The following PDE1A variants were observed in gnomAD, a reference collection of about 807,000 sequenced individuals.
PDE1A encodes the protein dual specificity calcium/calmodulin-dependent 3',5'-cyclic nucleotide phosphodiesterase 1A.
A neutral mutation model predicts 61.7 loss-of-function variants in PDE1A; 35 were observed. The ratio of observed to expected loss-of-function variants is 0.57; its 90% CI spans 0.43 to 0.75. The LOEUF (loss-of-function observed/expected upper bound fraction) is 0.75, where lower values mean the gene tolerates loss of function less well. Among genes scored for constraint, PDE1A ranks in the 30% least tolerant of loss-of-function variants. PDE1A has a pLI of 0.00. For missense variants in PDE1A, 597 were observed against 630.6 expected (o/e 0.95, Z 0.57); for synonymous variants, 232 against 213.2 (o/e 1.09, Z -0.77).
At chr2:182,176,211 A>C (rs1252189730) in intron 13 of PDE1A, among the ~76,000 whole-genome samples, 14 of 148,104 alleles carry the variant, frequency 9.5e-5, no homozygotes, top group African/African-American at 3.4e-4. Context: ...GTTTTTTCCA[A>C]TTCTGTGAAG....
intron 2 of PDE1A, among the ~76,000 whole-genome samples, chr2:182,450,849 A>G (rs1393303098): frequency 1.3e-5 from 2 of 151,894 alleles, no homozygotes; most frequent in Admixed American, 1.3e-4. Context: ...GGAAAAAAGC[A>G]GCTATTTACG....
At chr2:182,201,658 A>AAAAAC (rs1559175895) in intron 9 of PDE1A, 30 bp downstream of exon 9, 2 of 1,552,158 alleles carry the variant, frequency 1.3e-6, no homozygotes, top group Admixed American at 2.1e-5. Flanking sequence ...GACAAAAAAA[A>AAAAAC]AAAAACAACA....
intron 2 of PDE1A, among the ~76,000 whole-genome samples, chr2:182,470,765 C>G (rs78597881): frequency 1.6e-4 from 24 of 151,818 alleles, no homozygotes; most frequent in Non-Finnish European, 2.9e-4. Context: ...GTACTATATA[C>G]GAACACAGTC....
chr2:182,407,046 G>A (rs967319295), intron 1 of PDE1A, among the ~76,000 whole-genome samples: 1 of 152,010 alleles, frequency 6.6e-6, no homozygotes, highest in Non-Finnish European at 1.5e-5. Flanking sequence ...ACTTCAAAGA[G>A]TTTGTTTTAA....
At chr2:182,168,756 T>C (rs958768568) in intron 13 of PDE1A, among the ~76,000 whole-genome samples, 2 of 152,078 alleles carry the variant, frequency 1.3e-5, no homozygotes, top group Non-Finnish European at 2.9e-5. Flanking sequence ...ATTTTCAAAA[T>C]AAAAAAGAAT....
At chr2:182,336,410 C>T (rs1190429491) in intron 1 of PDE1A, among the ~76,000 whole-genome samples, 1 of 152,134 alleles carries the variant, frequency 6.6e-6, no homozygotes, top group African/African-American at 2.4e-5. Context: ...AAATGTGGCA[C>T]ATATGCAACA....
the PDE1A span, among the ~76,000 whole-genome samples, chr2:182,588,998 G>A: frequency 6.7e-6 from 1 of 150,108 alleles, no homozygotes; most frequent in Non-Finnish European, 1.5e-5. Flanking sequence ...AGCCGAGATG[G>A]CACCATTGCA....
chr2:182,649,298 T>C, the PDE1A span, among the ~76,000 whole-genome samples: 1 of 152,048 alleles, frequency 6.6e-6, no homozygotes, highest in Non-Finnish European at 1.5e-5. Flanking sequence ...AAAATCAGAA[T>C]AGGAAAAGCA....
chr2:182,644,263 C>G, the PDE1A span, among the ~76,000 whole-genome samples: 1,907 of 123,124 alleles, frequency 0.015, 31 homozygotes, highest in Middle Eastern at 0.035. Context: ...TCTTAAGACT[C>G]TGTGTGTGTG....
intron 6 of PDE1A, among the ~76,000 whole-genome samples, 172 bp downstream of exon 6, chr2:182,229,834 T>C (rs1689433711): frequency 6.6e-6 from 1 of 152,004 alleles, no homozygotes; most frequent in African/African-American, 2.4e-5. Flanking sequence ...AAGTATTTTT[T>C]GAAAAATGTG....
At chr2:182,448,464 A>T (rs970269253) in intron 2 of PDE1A, among the ~76,000 whole-genome samples, 1 of 152,068 alleles carries the variant, frequency 6.6e-6, no homozygotes, top group Non-Finnish European at 1.5e-5. Flanking sequence ...CCAAAATTGT[A>T]AAGTATATGC....
chr2:182,374,639 T>C (rs1056120252), intron 1 of PDE1A, among the ~76,000 whole-genome samples: 2 of 152,036 alleles, frequency 1.3e-5, no homozygotes, highest in African/African-American at 4.8e-5. Context: ...AAATAATTAA[T>C]AGAATAAAAA....
At chr2:182,518,910 G>T (rs1326804476) in intron 2 of PDE1A, among the ~76,000 whole-genome samples, 1 of 151,952 alleles carries the variant, frequency 6.6e-6, no homozygotes, top group Non-Finnish European at 1.5e-5. Context: ...ACTGGAAAGA[G>T]CAACACCAGT....
In PDE1A at chr2:182,359,694, T is replaced by C. The variant is rs979426467; in HGVS notation, c.53+66884A>G. On this transcript the variant is annotated intron_variant, in intron 1 of 13. Coordinates refer to ENST00000351439, the Ensembl canonical transcript of PDE1A. ...GGGATTGTATGCCATAGAAACACTT[T>C]ATGTCACTGAGACTAAAGCTCCCAG... is the stretch of plus-strand genomic sequence containing the variant. Among the ~76,000 whole-genome samples, 6 of 152,224 alleles carry C rather than the reference T, an allele frequency of 3.9e-5. No individual in the cohort carries two copies. The East Asian group carries it at 7.7e-4, about 20-fold the overall frequency.
At chr2:182,192,663 CA>C (rs1169838535) in intron 10 of PDE1A, among the ~76,000 whole-genome samples, 2 of 152,076 alleles carry the variant, frequency 1.3e-5, no homozygotes, top group East Asian at 3.9e-4. Context: ...ATGCTGCCTT[CA>C]GGGGGCCAAA....
intron 1 of PDE1A, among the ~76,000 whole-genome samples, chr2:182,394,223 CA>C (rs1401429489): frequency 6.6e-5 from 10 of 152,196 alleles, no homozygotes; most frequent in Admixed American, 6.5e-4. Flanking sequence ...CACAGTTCCA[CA>C]TTAACTGTTA....
chr2:182,511,126 G>A (rs2887217), intron 2 of PDE1A, among the ~76,000 whole-genome samples: 50,860 of 151,836 alleles, frequency 0.33, 9,046 homozygotes, highest in Middle Eastern at 0.41. Context: ...GATGAGATAC[G>A]TGATGATATT....
intron 1 of PDE1A, among the ~76,000 whole-genome samples, chr2:182,296,218 C>T (rs1236510073): frequency 6.6e-6 from 1 of 152,136 alleles, no homozygotes; most frequent in Non-Finnish European, 1.5e-5. Context: ...TGCTTTTGAG[C>T]TCACCTCGGG....
the PDE1A span, among the ~76,000 whole-genome samples, chr2:182,707,453 T>C: frequency 0.7 from 106,620 of 152,076 alleles, 37,817 homozygotes; most frequent in African/African-American, 0.8. Context: ...GAAACAGGAA[T>C]ATTACTACAG....
Sources: gnomAD v4.1 joint callset for allele counts (sites outside exome capture counted in the v4.1 genomes callset) on GRCh38, gnomAD v4.1.1 for gene constraint, MANE v1.5 for transcripts, NCBI Gene and HGNC (gene_info 2026-07-23, HGNC 2026-07-21) for gene names.